The following FNDC3A variants were observed in gnomAD, a reference collection of about 807,000 sequenced individuals.
The protein encoded by FNDC3A is fibronectin type-III domain-containing protein 3A.
FNDC3A carries 32 observed loss-of-function variants against 148.9 expected under a neutral mutation model. The observed-to-expected ratio is 0.21, with a 90% CI of 0.16 to 0.29. The LOEUF (loss-of-function observed/expected upper bound fraction) is 0.29, where lower values mean the gene tolerates loss of function less well. FNDC3A is among the 10% of genes least tolerant of loss of function. The probability of loss-of-function intolerance (pLI) is 1.00; values close to 1 mark genes in which losing one functional copy is unlikely to be tolerated. For missense variants in FNDC3A, 1,191 were observed against 1,452.8 expected (o/e 0.82, Z 2.93); for synonymous variants, 472 against 473.6 (o/e 1.00, Z 0.04).
intron 2 of FNDC3A, among the ~76,000 whole-genome samples, chr13:49,047,150 T>A (rs1593515128): frequency 1.3e-5 from 2 of 152,284 alleles, no homozygotes; most frequent in East Asian, 1.9e-4. Flanking sequence ...GCCATTATTT[T>A]TTTTTTTTTA....
At chr13:49,153,068 C>G (rs1224416448) in intron 8 of FNDC3A, among the ~76,000 whole-genome samples, 22 of 151,960 alleles carry the variant, frequency 1.4e-4, no homozygotes, top group South Asian at 4.2e-4. Context: ...GGTATTTCTA[C>G]TTCTAGATCC....
chr13:49,171,471 C>A (rs764897972), intron 10 of FNDC3A, among the ~76,000 whole-genome samples: 1 of 152,056 alleles, frequency 6.6e-6, no homozygotes, highest in Non-Finnish European at 1.5e-5. Context: ...GGTTGAAATT[C>A]TTGATTTTTA....
At chr13:49,134,494 C>A (rs1247739861) in intron 5 of FNDC3A, among the ~76,000 whole-genome samples, 1 of 152,044 alleles carries the variant, frequency 6.6e-6, no homozygotes, top group African/African-American at 2.4e-5. Context: ...ACTGCTGTGA[C>A]CATTTGTGTA....
At chr13:48,984,019 A>G (rs570978436) in intron 1 of FNDC3A, among the ~76,000 whole-genome samples, 1 of 152,338 alleles carries the variant, frequency 6.6e-6, no homozygotes, top group South Asian at 2.1e-4. Context: ...GTATTAAAAA[A>G]TTTCAGTAAG....
intron 2 of FNDC3A, among the ~76,000 whole-genome samples, chr13:49,042,727 C>T (rs1875034844): frequency 6.6e-6 from 1 of 151,884 alleles, no homozygotes; most frequent in Non-Finnish European, 1.5e-5. Context: ...CAGTGAGCTG[C>T]GATTGTGCCA....
intron 2 of FNDC3A, among the ~76,000 whole-genome samples, chr13:49,069,742 C>T (rs550324766): frequency 6.6e-6 from 1 of 152,218 alleles, no homozygotes; most frequent in South Asian, 2.1e-4. Flanking sequence ...CAGTCAATAT[C>T]AAAGAAGTGT....
intron 4 of FNDC3A, among the ~76,000 whole-genome samples, chr13:49,120,487 A>G (rs1231334465): frequency 6.6e-6 from 1 of 152,188 alleles, no homozygotes; most frequent in Non-Finnish European, 1.5e-5. Context: ...TTCACACATA[A>G]CAGTATTAAT....
intron 1 of FNDC3A, among the ~76,000 whole-genome samples, chr13:48,997,860 G>A (rs1952051562): frequency 6.6e-6 from 1 of 151,466 alleles, no homozygotes; most frequent in African/African-American, 2.4e-5. Flanking sequence ...TTGGAACTGT[G>A]TAATGAGTAG....
intron 2 of FNDC3A, among the ~76,000 whole-genome samples, chr13:49,032,874 A>G (rs537134026): frequency 1.7e-3 from 259 of 152,288 alleles, no homozygotes; most frequent in Non-Finnish European, 2.9e-3. Context: ...ATTTTATTGC[A>G]TATAGATTAT....
intron 17 of FNDC3A, among the ~76,000 whole-genome samples, chr13:49,189,256 G>T (rs539598967): frequency 6.6e-6 from 1 of 151,912 alleles, no homozygotes; most frequent in East Asian, 1.9e-4. Flanking sequence ...TGCCTCCTGG[G>T]TTCTGCAACC....
chr13:49,025,027 C>T lies in FNDC3A; in HGVS notation c.99+18738C>T, dbSNP rs565913222. ...TTATCTCCTAAATAGCTTTTTTGTG[C>T]TTGCTCCACATAGATAGATAGAGGA... On this transcript the variant is annotated intron_variant, in intron 2 of 25. Transcript: ENST00000492622. Among the ~76,000 whole-genome samples the T allele has an allele frequency of 3.9e-5, 6 of 152,042 alleles. No individual in the cohort carries two copies. In the East Asian group the frequency reaches 7.7e-4, roughly 20 times the overall value.
intron 13 of FNDC3A, 123 bp downstream of exon 13, chr13:49,175,664 G>T: frequency 1.7e-6 from 1 of 598,066 alleles, no homozygotes; most frequent in Non-Finnish European, 2.8e-6. Flanking sequence ...GAGACAATTT[G>T]ACTTCCTCTC....
intron 2 of FNDC3A, among the ~76,000 whole-genome samples, chr13:49,053,529 T>A (rs1272177892): frequency 2.0e-5 from 3 of 152,146 alleles, no homozygotes; most frequent in African/African-American, 7.2e-5. Flanking sequence ...AGTCAGTACA[T>A]GTGAGGCATA....
intron 4 of FNDC3A, among the ~76,000 whole-genome samples, chr13:49,126,552 A>G (rs1278288450): frequency 1.3e-5 from 2 of 152,186 alleles, no homozygotes; most frequent in African/African-American, 4.8e-5. Context: ...TTTATTTTTA[A>G]TCAAATAAAT....
At position 49,207,181 on chromosome 13, in the gene FNDC3A, T is replaced by C. The variant is rs1479187850; in HGVS notation, c.3383T>C (p.Leu1128Pro). 6.2e-7 allele frequency: 1 copy of C among 1,614,038 alleles called. No homozygotes were observed. Among genetic ancestry groups the C allele is most frequent in the Non-Finnish European group, 8.5e-7 (1 of 1,179,990 alleles). ...GCCATTCGCCAGTGCCAAGACTCTC[T>C]GGGACACCAGGACCTCGTAGGTCCC... is the stretch of plus-strand genomic sequence containing the variant. ...VCAIRQCQDS[L>P]GHQDLVGPYS... Residue 1128 changes from leucine to proline, a missense_variant, in exon 26 of 26, where the codon CTG (leucine) becomes CCG (proline). By Grantham distance (98) the Leu-to-Pro change is moderately conservative. Coordinates refer to ENST00000492622, the MANE Select transcript of FNDC3A (RefSeq NM_001079673.2).
chr13:49,107,977 T>C (rs1042776005), intron 3 of FNDC3A, among the ~76,000 whole-genome samples: 3 of 152,180 alleles, frequency 2.0e-5, no homozygotes, highest in African/African-American at 7.2e-5. Context: ...AATCAGGCTA[T>C]GAAGGCAGTG....
intron 2 of FNDC3A, among the ~76,000 whole-genome samples, chr13:49,018,860 C>T (rs1428438629): frequency 6.6e-6 from 1 of 151,982 alleles, no homozygotes. Context: ...AGTACCCGGC[C>T]GTGTGAGGTG....
At chr13:49,057,187 A>T (rs1876313080) in intron 2 of FNDC3A, among the ~76,000 whole-genome samples, 1 of 152,192 alleles carries the variant, frequency 6.6e-6, no homozygotes, top group Non-Finnish European at 1.5e-5. Context: ...TTTGAAGGTA[A>T]ATCAGTAGTC....
chr13:49,190,786 ATAT>A (rs1320597000), intron 17 of FNDC3A, among the ~76,000 whole-genome samples: 1 of 152,188 alleles, frequency 6.6e-6, no homozygotes, highest in East Asian at 1.9e-4. Flanking sequence ...CTTGCTTTGT[ATAT>A]AGTAGTTGCA....
Sources: allele counts gnomAD v4.1 joint callset (sites outside exome capture counted in the v4.1 genomes callset), GRCh38; gene constraint gnomAD v4.1.1; transcripts MANE v1.5; gene names NCBI Gene and HGNC (gene_info 2026-07-23, HGNC 2026-07-21).